Variants in SETD7 observed in about 807,000 individuals in gnomAD.
SETD7 encodes the protein SET domain containing 7, histone lysine methyltransferase, also known as histone-lysine N-methyltransferase SETD7.
In SETD7, 16 loss-of-function variants were observed where a neutral mutation model predicts 41.8. The ratio of observed to expected loss-of-function variants is 0.38; its 90% CI spans 0.26 to 0.58. The LOEUF (loss-of-function observed/expected upper bound fraction) is 0.58. SETD7 is among the 20% of genes least tolerant of loss of function. The pLI is 0.64. For synonymous variants in SETD7, 163 were observed against 169.7 expected (o/e 0.96, Z 0.31); for missense variants, 346 against 459.7 (o/e 0.75, Z 2.26).
intron 4 of SETD7, among the ~76,000 whole-genome samples, chr4:139,524,631 G>C (rs536723648): frequency 5.2e-4 from 79 of 152,342 alleles, no homozygotes; most frequent in African/African-American, 1.9e-3. Flanking sequence ...CAGCCAGCCA[G>C]TGGCCTCCCT....
downstream of SETD7, among the ~76,000 whole-genome samples, chr4:139,502,624 A>G (rs1484964916): frequency 6.6e-6 from 1 of 152,230 alleles, no homozygotes; most frequent in Non-Finnish European, 1.5e-5. Flanking sequence ...GCCCAGCGTC[A>G]CACAGACAGT....
intron 2 of SETD7, among the ~76,000 whole-genome samples, chr4:139,543,381 C>A (rs1727832374): frequency 6.6e-6 from 1 of 152,186 alleles, no homozygotes; most frequent in Non-Finnish European, 1.5e-5. Flanking sequence ...AGTTGTAAGA[C>A]TCTCTTACTA....
intron 1 of SETD7, chr4:139,548,039 C>A (rs1468089002): frequency 5.3e-5 from 8 of 152,210 alleles, no homozygotes; most frequent in Non-Finnish European, 1.2e-4. Flanking sequence ...TCTTCCCAAT[C>A]ATTCTGGTGA....
intron 2 of SETD7, chr4:139,546,654 T>C (rs894007238): frequency 8.8e-6 from 4 of 453,894 alleles, no homozygotes; most frequent in Non-Finnish European, 1.6e-5. Context: ...AACCAACTTA[T>C]GCAAGATGGG....
At chr4:139,543,798 CAA>C (rs1182628309) in intron 2 of SETD7, among the ~76,000 whole-genome samples, 75 of 119,886 alleles carry the variant, frequency 6.3e-4, no homozygotes, top group Middle Eastern at 4.0e-3. Context: ...TAAAAAAATA[CAA>C]AAAAAAAAAA....
chr4:139,510,729 T>C lies in SETD7; in HGVS notation c.*934A>G, dbSNP rs1379093519. 6.6e-6 allele frequency: 1 copy of C among 152,540 alleles called. No homozygotes were observed. Among genetic ancestry groups the C allele is most frequent in the Non-Finnish European group, 1.5e-5 (1 of 68,028 alleles). 9.4% of individuals were successfully genotyped at this position (152,540 alleles called of 1,614,324 possible). On this transcript the variant is annotated 3_prime_UTR_variant, in exon 8 of 8. Transcript: ENST00000274031. ...GCCTGACCGCGCTATGTTATGTACATTTAATGTGTACTCAAGGAGGAAAAA... is the reference window on the plus strand; with the variant it reads ...GCCTGACCGCGCTATGTTATGTACACTTAATGTGTACTCAAGGAGGAAAAA...
At chr4:139,523,914 A>G (rs1727248203) in intron 4 of SETD7, among the ~76,000 whole-genome samples, 1 of 152,226 alleles carries the variant, frequency 6.6e-6, no homozygotes, top group Non-Finnish European at 1.5e-5. Context: ...GCTTTTGATA[A>G]AGCATTAACA....
chr4:139,503,623 C>T (rs1560671371), downstream of SETD7, among the ~76,000 whole-genome samples: 1 of 151,216 alleles, frequency 6.6e-6, no homozygotes, highest in African/African-American at 2.4e-5. Context: ...TACAGCCCCC[C>T]TGATAAATTC....
chr4:139,522,241 C>G (rs1727196553), intron 5 of SETD7, among the ~76,000 whole-genome samples: 1 of 152,146 alleles, frequency 6.6e-6, no homozygotes, highest in Non-Finnish European at 1.5e-5. Flanking sequence ...CAGATGGGAA[C>G]AGAAACTGAA....
intron 7 of SETD7, among the ~76,000 whole-genome samples, chr4:139,498,066 T>C (rs573364911): frequency 2.2e-4 from 33 of 152,342 alleles, no homozygotes; most frequent in African/African-American, 7.7e-4. Context: ...GTGACCGTTA[T>C]TTGCACTAAG....
At chr4:139,529,452 C>G (rs1560684484) in intron 3 of SETD7, among the ~76,000 whole-genome samples, 1 of 152,150 alleles carries the variant, frequency 6.6e-6, no homozygotes, top group African/African-American at 2.4e-5. Context: ...GCATGTATGC[C>G]TGATTTAGAG....
intron 1 of SETD7, among the ~76,000 whole-genome samples, chr4:139,548,354 G>C (rs1728017795): frequency 6.6e-6 from 1 of 152,166 alleles, no homozygotes; most frequent in African/African-American, 2.4e-5. Context: ...TATGCGGCCG[G>C]GCATGGTGGC....
At chr4:139,543,015 A>G (rs1240261305) in intron 2 of SETD7, among the ~76,000 whole-genome samples, 2 of 152,210 alleles carry the variant, frequency 1.3e-5, no homozygotes, top group Admixed American at 6.5e-5. Context: ...TTGTCGGAAC[A>G]TGGGTTCCCA....
intron 3 of SETD7, chr4:139,532,915 GT>G (rs1322750617): frequency 3.6e-6 from 2 of 560,382 alleles, no homozygotes; most frequent in African/African-American, 3.8e-5. Flanking sequence ...GTCTCAATTT[GT>G]TTTAATCATG....
At chr4:139,546,802 A>G in intron 2 of SETD7, 118 bp downstream of exon 2, 1 of 1,418,304 alleles carries the variant, frequency 7.1e-7, no homozygotes, top group African/African-American at 1.4e-5. Context: ...GTAGGGGTTA[A>G]TTTTACCCAT....
chr4:139,530,200 T>G (rs1727444120), intron 3 of SETD7, among the ~76,000 whole-genome samples: 1 of 152,256 alleles, frequency 6.6e-6, no homozygotes, highest in South Asian at 2.1e-4. Context: ...TGGTATAACT[T>G]TGAAAATTTA....
intron 7 of SETD7, among the ~76,000 whole-genome samples, chr4:139,497,598 T>G (rs72726555): frequency 0.17 from 22,747 of 132,442 alleles, 1,851 homozygotes; most frequent in Non-Finnish European, 0.2. Context: ...TGTTTTTTTG[T>G]TTTTTTTTTA....
At chr4:139,514,037 C>G (rs1726951656) in intron 7 of SETD7, among the ~76,000 whole-genome samples, 1 of 152,322 alleles carries the variant, frequency 6.6e-6, no homozygotes, top group African/African-American at 2.4e-5. Flanking sequence ...ATTCCCACCA[C>G]TTTGGGAGGC....
At chr4:139,530,098 A>G (rs888525684) in intron 3 of SETD7, among the ~76,000 whole-genome samples, 16 of 152,330 alleles carry the variant, frequency 1.1e-4, no homozygotes, top group Non-Finnish European at 1.9e-4. Flanking sequence ...TAAATTGAAC[A>G]GGGTTACCAA....
Sources: gnomAD v4.1 joint callset for allele counts (sites outside exome capture counted in the v4.1 genomes callset) on GRCh38, gnomAD v4.1.1 for gene constraint, MANE v1.5 for transcripts, NCBI Gene and HGNC (gene_info 2026-07-23, HGNC 2026-07-21) for gene names.